The following TIMP2 variants were observed in gnomAD, a reference collection of about 807,000 sequenced individuals.
TIMP2 encodes the protein metalloproteinase inhibitor 2.
Under a neutral mutation model 24.3 loss-of-function variants are expected in TIMP2, and 5 were observed. The ratio of observed to expected loss-of-function variants is 0.21; its 90% CI spans 0.11 to 0.43. The LOEUF is 0.43. Ranked by LOEUF, TIMP2 falls within the 20% of genes least tolerant of loss-of-function variation. The probability of loss-of-function intolerance (pLI) is 1.00; values close to 1 mark genes in which losing one functional copy is unlikely to be tolerated. For synonymous variants in TIMP2, 130 were observed against 123.2 expected, an observed-to-expected ratio of 1.06 and a Z score of -0.37; for missense variants, 221 against 297.5, an observed-to-expected ratio of 0.74 and a Z score of 1.89.
intron 3 of TIMP2, among the ~76,000 whole-genome samples, chr17:78,860,581 G>A (rs560879009): frequency 1.3e-5 from 2 of 152,180 alleles, no homozygotes; most frequent in Non-Finnish European, 2.9e-5. Flanking sequence ...TCTTATGCTC[G>A]CACTTCCTGT....
intron 1 of TIMP2, among the ~76,000 whole-genome samples, chr17:78,907,583 T>C (rs768911264): frequency 1.3e-5 from 2 of 152,006 alleles, no homozygotes; most frequent in Non-Finnish European, 2.9e-5. Flanking sequence ...ATGATAATAA[T>C]GAAAAAGTTT....
intron 1 of TIMP2, among the ~76,000 whole-genome samples, chr17:78,902,144 T>C (rs2070103753): frequency 6.6e-6 from 1 of 152,192 alleles, no homozygotes; most frequent in Non-Finnish European, 1.5e-5. Flanking sequence ...TTTCACTATG[T>C]TGCCCAGGCT....
chr17:78,863,059 G>T (rs2069580137), intron 3 of TIMP2, among the ~76,000 whole-genome samples: 1 of 152,060 alleles, frequency 6.6e-6, no homozygotes, highest in Non-Finnish European at 1.5e-5. Flanking sequence ...TTTTCCTTTG[G>T]GTATACACCC....
intron 1 of TIMP2, among the ~76,000 whole-genome samples, chr17:78,880,984 C>T (rs772370027): frequency 2.6e-5 from 4 of 152,208 alleles, no homozygotes; most frequent in South Asian, 2.1e-4. Context: ...GTCTCGGCTA[C>T]GGGACGTGCT....
At chr17:78,886,736 T>C (rs772559683) in intron 1 of TIMP2, among the ~76,000 whole-genome samples, 1 of 152,116 alleles carries the variant, frequency 6.6e-6, no homozygotes, top group Non-Finnish European at 1.5e-5. Context: ...TTCTTCTTTT[T>C]TTTTCCCCCT....
In TIMP2 at chr17:78,925,144, T is replaced by C; in HGVS notation, c.-56A>G. On this transcript the variant is annotated 5_prime_UTR_variant, in exon 1 of 5. Coordinates refer to ENST00000262768, the MANE Select transcript of TIMP2 (RefSeq NM_003255.5). ...CGCCGCTGGGGGGTCCGGGCGCTGC[T>C]CGCGGCGGCGGGCTGGGGGCGCGGG... is the stretch of plus-strand genomic sequence containing the variant. 1 of 687,300 alleles carries C rather than the reference T, an allele frequency of 1.5e-6. No individual in the cohort carries two copies. The highest frequency in any genetic ancestry group is 1.8e-6 in the Non-Finnish European group (1 of 564,990). 42.6% of individuals were successfully genotyped at this position (687,300 alleles called of 1,614,324 possible). A position where few individuals can be genotyped will look rare whatever the true frequency, so the allele number is the denominator to read the frequency against.
chr17:78,871,449 CAA>C (rs749440079), intron 2 of TIMP2, among the ~76,000 whole-genome samples: 1 of 122,568 alleles, frequency 8.2e-6, no homozygotes, highest in Non-Finnish European at 1.6e-5. Flanking sequence ...AAGACTCCGT[CAA>C]AAAAAAAAAA....
chr17:78,869,674 G>C (rs1402677897), intron 3 of TIMP2, among the ~76,000 whole-genome samples: 1 of 152,144 alleles, frequency 6.6e-6, no homozygotes, highest in Non-Finnish European at 1.5e-5. Context: ...AATTAGCCAG[G>C]TGTGGTGGCG....
intron 1 of TIMP2, chr17:78,897,307 C>T (rs980530706): frequency 1.3e-5 from 2 of 152,414 alleles, no homozygotes; most frequent in Non-Finnish European, 2.9e-5. Flanking sequence ...TCTCGTCTGC[C>T]TCACGCTGCC....
At chr17:78,890,724 G>C (rs970440076) in intron 1 of TIMP2, 1 of 1,550,540 alleles carries the variant, frequency 6.4e-7, no homozygotes, top group African/African-American at 1.4e-5. Flanking sequence ...AAGATCTGCT[G>C]CTGCTGGTCT....
chr17:78,879,639 G>A (rs2069761004), intron 1 of TIMP2, among the ~76,000 whole-genome samples: 1 of 152,080 alleles, frequency 6.6e-6, no homozygotes. Context: ...TAACTGCCCT[G>A]AGCCCAGAAA....
In TIMP2 at chr17:78,920,456, C is replaced by G. The variant is rs190381499; in HGVS notation, c.130+4503G>C. 1.2e-4 allele frequency among the ~76,000 whole-genome samples: 18 copies of G among 152,134 alleles called. No individual in the cohort carries two copies. The highest frequency in any genetic ancestry group is 1.9e-4 in the Non-Finnish European group (13 of 68,028). ...CGTGTGTTGTCCAGAGAGCTCCTTCCAGCACCTGCCATACCTCCAGGCTGT... is the reference window on the plus strand; with the variant it reads ...CGTGTGTTGTCCAGAGAGCTCCTTCGAGCACCTGCCATACCTCCAGGCTGT... On this transcript the variant is annotated intron_variant, in intron 1 of 4. Transcript: ENST00000262768. This position sits in a 1 kb window ranked among gnomAD's most constrained non-coding sequence, Gnocchi z 4.5.
At chr17:78,902,094 C>CG (rs1568004773) in intron 1 of TIMP2, among the ~76,000 whole-genome samples, 1 of 152,154 alleles carries the variant, frequency 6.6e-6, no homozygotes, top group East Asian at 1.9e-4. Context: ...CCAGTGGTGG[C>CG]GGGGGGACGG....
intron 3 of TIMP2, among the ~76,000 whole-genome samples, chr17:78,863,704 G>T (rs1376725654): frequency 6.6e-6 from 1 of 152,104 alleles, no homozygotes. Flanking sequence ...ATGACTCTCT[G>T]TATCGACTCA....
intron 1 of TIMP2, among the ~76,000 whole-genome samples, chr17:78,881,250 A>T (rs1348079911): frequency 6.6e-6 from 1 of 152,212 alleles, no homozygotes; most frequent in African/African-American, 2.4e-5. Context: ...GGGCGCCCAT[A>T]GGACCAGCAC....
Position 78,891,107 on chromosome 17 carries a change from T to C in TIMP2, c.131-17188A>G, listed in dbSNP as rs2069884831. The C allele has an allele frequency of 1.3e-6, 2 of 1,550,850 alleles. No individual in the cohort carries two copies. The highest frequency in any genetic ancestry group is 1.7e-6 in the Non-Finnish European group (2 of 1,147,056). ...GGTCTCTTGTCCAGATTCAGTGCTA[T>C]ACAATAATGAGTCCTCTTTGTTGAT... On this transcript the variant is annotated intron_variant, in intron 1 of 4. Transcript: ENST00000262768. This position sits in a 1 kb window ranked among gnomAD's most constrained non-coding sequence, Gnocchi z 4.5.
chr17:78,855,666 C>G lies in TIMP2; in HGVS notation c.*1G>C. The G allele has an allele frequency of 6.2e-7, 1 of 1,613,628 alleles. No homozygotes were observed. Among genetic ancestry groups the G allele is most frequent in the Non-Finnish European group, 8.5e-7 (1 of 1,179,998 alleles). On this transcript the variant is annotated 3_prime_UTR_variant, in exon 5 of 5. Transcript: ENST00000262768. The surrounding 1 kb of genome is among the most constrained non-coding windows in gnomAD (Gnocchi z 6.0). Reference sequence around the variant, plus strand: ...TGGCCACAGGGGCGTTGGAGGCCTGCTTATGGGTCCTCGATGTCGAGAAAC... The same window carrying G: ...TGGCCACAGGGGCGTTGGAGGCCTGGTTATGGGTCCTCGATGTCGAGAAAC...
intron 1 of TIMP2, among the ~76,000 whole-genome samples, chr17:78,888,409 C>T (rs1431093170): frequency 1.3e-5 from 2 of 152,044 alleles, no homozygotes; most frequent in South Asian, 4.1e-4. Context: ...ATCCGCCCGC[C>T]TTGGCCTCCC....
At chr17:78,914,642 C>T (rs1447811439) in intron 1 of TIMP2, among the ~76,000 whole-genome samples, 1 of 151,956 alleles carries the variant, frequency 6.6e-6, no homozygotes, top group Admixed American at 6.6e-5. Flanking sequence ...CTGGTACAAC[C>T]ATAGCTCACT....
Sources: gnomAD v4.1 joint callset for allele counts (sites outside exome capture counted in the v4.1 genomes callset) on GRCh38, gnomAD v4.1.1 for gene constraint, Gnocchi (gnomAD v3.1) non-coding constraint, MANE v1.5 for transcripts, NCBI Gene and HGNC (gene_info 2026-07-23, HGNC 2026-07-21) for gene names.